DDX50: variants seen among roughly 807,000 people sequenced by gnomAD.
The protein encoded by DDX50 is DExD-box helicase 50.
DDX50 carries 56 observed loss-of-function variants against 94.8 expected under a neutral mutation model. The ratio of observed to expected loss-of-function variants is 0.59; its 90% CI spans 0.48 to 0.74. DDX50 has a LOEUF of 0.74. DDX50 is among the 30% of genes least tolerant of loss of function. The pLI, the probability that DDX50 is intolerant of heterozygous loss-of-function variation, is 0.00. For synonymous variants in DDX50, 264 were observed against 295.4 expected (o/e 0.89, Z 1.09); for missense variants, 713 against 881.2 (o/e 0.81, Z 2.42).
intron 4 of DDX50, chr10:68,911,815 A>C (rs1388761585): frequency 6.6e-6 from 1 of 152,184 alleles, no homozygotes; most frequent in African/African-American, 2.4e-5. Context: ...TAGTTTATAT[A>C]TTATTGGGGT....
At chr10:68,919,467 C>T (rs1290149998) in intron 7 of DDX50, among the ~76,000 whole-genome samples, 1 of 152,206 alleles carries the variant, frequency 6.6e-6, no homozygotes, top group Non-Finnish European at 1.5e-5. Flanking sequence ...GATTTTTCTT[C>T]CACAATTGAT....
chr10:68,934,796 T>A lies in DDX50; in HGVS notation c.1402-3T>A. 2 of 1,586,776 alleles carry A rather than the reference T, an allele frequency of 1.3e-6. No homozygotes were observed. Among genetic ancestry groups the A allele is most frequent in the South Asian group, 1.2e-5 (1 of 83,574 alleles). ...AAAAAATATTACCTTTTATAATCTT[T>A]AGGATGTTGAGTCCTATATCCATCG... On this transcript the variant is annotated splice_region_variant and splice_polypyrimidine_tract_variant and intron_variant, in intron 9 of 14. Coordinates refer to ENST00000373585, the MANE Select transcript of DDX50 (RefSeq NM_024045.2). This position sits in a 1 kb window ranked among gnomAD's most constrained non-coding sequence, Gnocchi z 4.0.
chr10:68,901,514 C>A, intron 1 of DDX50, 43 bp downstream of exon 1: 1 of 1,539,612 alleles, frequency 6.5e-7, no homozygotes, highest in Non-Finnish European at 8.8e-7. Context: ...GCTGCGCCGG[C>A]TTGGGCGGGG....
At chr10:68,927,900 TA>T (rs1242910634) in intron 8 of DDX50, among the ~76,000 whole-genome samples, 1 of 152,226 alleles carries the variant, frequency 6.6e-6, no homozygotes, top group African/African-American at 2.4e-5. Context: ...TTCATGCCTG[TA>T]ATTCTAGCTA....
intron 7 of DDX50, 39 bp downstream of exon 7, chr10:68,914,243 T>G (rs767161870): frequency 1.2e-6 from 2 of 1,601,228 alleles, no homozygotes; most frequent in Non-Finnish European, 1.7e-6. Flanking sequence ...TAGCTTTTAG[T>G]TGGTATTTAC....
rs1841613181 is a variant in DDX50 at position 68,911,105 on chromosome 10, G to A, written c.498G>A (p.Lys166=). The A allele has an allele frequency of 3.8e-6, 6 of 1,581,508 alleles. No homozygotes were observed. Among genetic ancestry groups the A allele is most frequent in the Non-Finnish European group, 3.4e-6 (4 of 1,166,004 alleles). ...GVTYLFPIQV[K]TFGPVYEGKD... ...CATATCTCTTTCCTATTCAAGTTAA[G>A]ACCTTTGGTCCTGTATATGAAGGAA... Residue 166 remains lysine, a synonymous_variant, in exon 4 of 15, where the codon AAG becomes AAA. Transcript: ENST00000373585.
At chr10:68,926,901 G>GT (rs1842106473) in intron 8 of DDX50, among the ~76,000 whole-genome samples, 1 of 149,514 alleles carries the variant, frequency 6.7e-6, no homozygotes, top group South Asian at 2.1e-4. Context: ...AAATTATCAA[G>GT]TAAAAAAAAC....
intron 8 of DDX50, among the ~76,000 whole-genome samples, chr10:68,931,585 C>T (rs144597706): frequency 0.022 from 3,306 of 151,000 alleles, 65 homozygotes; most frequent in Non-Finnish European, 0.031. Flanking sequence ...GGATTACAGG[C>T]GCCCGCCACC....
Position 68,934,128 on chromosome 10 carries a change from A to G in DDX50, c.1240-71A>G, listed in dbSNP as rs531574206. The stretch of plus-strand genomic sequence containing the variant: ...TTAAAAACATGCAAAAGGAGCACAG[A>G]CTAGATGTTGTTGTGCTATCAGTTG... On this transcript the variant is annotated intron_variant, in intron 8 of 14. Coordinates refer to ENST00000373585, the MANE Select transcript of DDX50 (RefSeq NM_024045.2). The surrounding 1 kb of genome is among the most constrained non-coding windows in gnomAD (Gnocchi z 4.0). 4.2e-6 allele frequency: 6 copies of G among 1,437,466 alleles called. No individual in the cohort carries two copies. In the African/African-American group the frequency reaches 5.7e-5, roughly 14 times the overall value. The allele number at this position is 1,437,466 out of a possible 1,614,324, so 89.0% of individuals were successfully genotyped here.
intron 8 of DDX50, among the ~76,000 whole-genome samples, chr10:68,921,523 A>G (rs1351568994): frequency 6.6e-6 from 1 of 152,102 alleles, no homozygotes; most frequent in Non-Finnish European, 1.5e-5. Context: ...GGGCAGAACT[A>G]CTTCATAGGT....
At chr10:68,929,317 CTTTCTCTT>C (rs1480792930) in intron 8 of DDX50, among the ~76,000 whole-genome samples, 7 of 145,298 alleles carry the variant, frequency 4.8e-5, no homozygotes, top group African/African-American at 1.9e-4. Flanking sequence ...CTCTCTCTTT[CTTTCTCTT>C]TCTTTCTTTC....
intron 7 of DDX50, among the ~76,000 whole-genome samples, chr10:68,915,755 C>T (rs1259295795): frequency 1.3e-5 from 2 of 151,262 alleles, no homozygotes; most frequent in Non-Finnish European, 2.9e-5. Context: ...GTAATATTTA[C>T]CGTATTTATG....
intron 7 of DDX50, among the ~76,000 whole-genome samples, chr10:68,916,278 CAGGAGG>C (rs1002236860): frequency 6.8e-6 from 1 of 147,478 alleles, no homozygotes; most frequent in Non-Finnish European, 1.5e-5. Flanking sequence ...TGCTTGAACC[CAGGAGG>C]TGATAGTTGC....
chr10:68,929,348 CTTCT>C (rs1300410074), intron 8 of DDX50, among the ~76,000 whole-genome samples: 42 of 143,754 alleles, frequency 2.9e-4, no homozygotes, highest in East Asian at 1.6e-3. Context: ...TCCTTCCTTC[CTTCT>C]TTCCTTCTTT....
chr10:68,910,398 G>T lies in DDX50; in HGVS notation c.460+16G>T. The T allele has an allele frequency of 1.3e-6, 2 of 1,583,796 alleles. No homozygotes were observed. The highest frequency in any genetic ancestry group is 1.7e-6 in the Non-Finnish European group (2 of 1,168,726). ...CTTCTGAAAGGTATGCAGTTTGGTT[G>T]TTGTTGTTATTGTTGTTGTTTTGAG... On this transcript the variant is annotated intron_variant, in intron 3 of 14. Coordinates refer to ENST00000373585, the MANE Select transcript of DDX50 (RefSeq NM_024045.2).
At chr10:68,933,755 TG>T (rs1400275939) in intron 8 of DDX50, among the ~76,000 whole-genome samples, 4 of 148,098 alleles carry the variant, frequency 2.7e-5, no homozygotes, top group Admixed American at 2.1e-4. Flanking sequence ...ATCAACATGG[TG>T]AAACCCTGTT....
chr10:68,938,917 G>T (rs188442464), intron 12 of DDX50, among the ~76,000 whole-genome samples: 4 of 152,106 alleles, frequency 2.6e-5, no homozygotes, highest in Non-Finnish European at 4.4e-5. Context: ...AAGAGTCTTG[G>T]TCGGTTGTTT....
Position 68,906,718 on chromosome 10 carries a change from G to T in DDX50, c.95G>T (p.Arg32Ile). The T allele has an allele frequency of 6.2e-7, 1 of 1,607,128 alleles. No individual in the cohort carries two copies. Among genetic ancestry groups the T allele is most frequent in the South Asian group, 1.1e-5 (1 of 89,256 alleles). The change falls in exon 2 of 15, where the codon AGA becomes ATA. Residue 32 changes from arginine (R) to isoleucine (I), a missense_variant. By Grantham distance (97) the Arg-to-Ile change is moderately conservative (BLOSUM62 -3). This residue lies in a region of DDX50 where 285 missense variants were observed against 278.9 expected (regional missense o/e 1.02). Coordinates refer to ENST00000373585, the MANE Select transcript of DDX50 (RefSeq NM_024045.2). The part of the protein sequence containing the change: ...SQKKERQKSD[R>I]RKSRHHYDSD... Reference sequence around the variant, plus strand: ...TTCTTTGTTTGTTCACAGAGTGACAGAAGGAAGTCAAGGCACCATTATGAC... The same window carrying T: ...TTCTTTGTTTGTTCACAGAGTGACATAAGGAAGTCAAGGCACCATTATGAC...
chr10:68,928,409 A>G (rs1012642642), intron 8 of DDX50, among the ~76,000 whole-genome samples: 3 of 151,978 alleles, frequency 2.0e-5, no homozygotes, highest in African/African-American at 7.3e-5. Flanking sequence ...GATGGCTTAC[A>G]TCTGTAATCC....
Sources: gnomAD v4.1 joint callset for allele counts (sites outside exome capture counted in the v4.1 genomes callset) on GRCh38, gnomAD v4.1.1 for gene constraint, gnomAD v4.1.1 regional missense constraint, Gnocchi (gnomAD v3.1) non-coding constraint, MANE v1.5 for transcripts, NCBI Gene and HGNC (gene_info 2026-07-23, HGNC 2026-07-21) for gene names.